The following PTPRT variants were observed in gnomAD, a reference collection of about 807,000 sequenced individuals.
PTPRT encodes receptor-type tyrosine-protein phosphatase T.
A neutral mutation model predicts 176.8 loss-of-function variants in PTPRT; 56 were observed. The observed-to-expected ratio is 0.32, with a 90% CI of 0.26 to 0.40. PTPRT has a LOEUF of 0.40. Ranked by LOEUF, PTPRT falls within the 10% of genes least tolerant of loss-of-function variation. The probability of loss-of-function intolerance (pLI) is 1.00; values close to 1 mark genes in which losing one functional copy is unlikely to be tolerated. For synonymous variants in PTPRT, 783 were observed against 739.0 expected, an observed-to-expected ratio of 1.06 and a Z score of -0.96; for missense variants, 1,540 against 1,908.2, an observed-to-expected ratio of 0.81 and a Z score of 3.60.
At chr20:42,893,242 CA>C (rs1224156588) in intron 1 of PTPRT, among the ~76,000 whole-genome samples, 2 of 152,078 alleles carry the variant, frequency 1.3e-5, no homozygotes, top group African/African-American at 2.4e-5. Context: ...TTTATGCAGC[CA>C]AAAGACACAT....
At chr20:42,697,866 A>C (rs1883065291) in intron 6 of PTPRT, among the ~76,000 whole-genome samples, 1 of 152,222 alleles carries the variant, frequency 6.6e-6, no homozygotes, top group South Asian at 2.1e-4. Flanking sequence ...TATAAGCAAT[A>C]ACAAAGTTCT....
intron 6 of PTPRT, among the ~76,000 whole-genome samples, chr20:42,728,770 C>T (rs1214308255): frequency 6.6e-6 from 1 of 152,194 alleles, no homozygotes; most frequent in Non-Finnish European, 1.5e-5. Context: ...GCTCACCCTT[C>T]ATTGCAATTC....
At chr20:42,096,015 TC>T (rs1302360807) in intron 27 of PTPRT, among the ~76,000 whole-genome samples, 2 of 152,182 alleles carry the variant, frequency 1.3e-5, no homozygotes, top group African/African-American at 4.8e-5. Flanking sequence ...AGACTCAACT[TC>T]CTGCCATTAT....
At chr20:42,553,624 C>T (rs2072807934) in intron 7 of PTPRT, among the ~76,000 whole-genome samples, 1 of 152,104 alleles carries the variant, frequency 6.6e-6, no homozygotes, top group Non-Finnish European at 1.5e-5. Context: ...TACTTGACCT[C>T]TCTCCCCCAC....
At chr20:42,273,641 T>C (rs1279172450) in intron 13 of PTPRT, among the ~76,000 whole-genome samples, 1 of 152,254 alleles carries the variant, frequency 6.6e-6, no homozygotes, top group Non-Finnish European at 1.5e-5. Flanking sequence ...CACTAGGGAA[T>C]GTGGGATTAC....
At chr20:42,675,499 T>A (rs1247875160) in intron 7 of PTPRT, among the ~76,000 whole-genome samples, 1 of 152,240 alleles carries the variant, frequency 6.6e-6, no homozygotes, top group African/African-American at 2.4e-5. Context: ...TCTTAGCCAC[T>A]TACGTGGACA....
chr20:42,275,411 G>C (rs568667510), intron 13 of PTPRT, among the ~76,000 whole-genome samples: 2 of 152,310 alleles, frequency 1.3e-5, no homozygotes, highest in East Asian at 3.9e-4. Context: ...GTCGACTCAG[G>C]TGTCTCTCAG....
At chr20:42,893,524 G>T (rs1438860728) in intron 1 of PTPRT, among the ~76,000 whole-genome samples, 2 of 151,440 alleles carry the variant, frequency 1.3e-5, no homozygotes, top group African/African-American at 4.9e-5. Flanking sequence ...TATACCCAAA[G>T]GACTATAAAT....
chr20:42,736,091 G>T (rs1397864038), intron 6 of PTPRT, among the ~76,000 whole-genome samples: 1 of 152,202 alleles, frequency 6.6e-6, no homozygotes, highest in Non-Finnish European at 1.5e-5. Context: ...TAAACAGATA[G>T]TTGGACACAG....
chr20:42,292,276 T>A (rs1012310200), intron 12 of PTPRT, among the ~76,000 whole-genome samples: 3 of 152,114 alleles, frequency 2.0e-5, no homozygotes, highest in Non-Finnish European at 4.4e-5. Flanking sequence ...TCACTTAACA[T>A]GTTTGTTACC....
At chr20:42,844,936 T>G (rs2078343046) in intron 2 of PTPRT, among the ~76,000 whole-genome samples, 6 of 152,192 alleles carry the variant, frequency 3.9e-5, no homozygotes, top group Admixed American at 3.3e-4. Context: ...CAGCACCTTC[T>G]GCCAATGTGA....
intron 1 of PTPRT, among the ~76,000 whole-genome samples, chr20:43,092,287 T>C (rs778181546): frequency 6.6e-6 from 1 of 152,198 alleles, no homozygotes; most frequent in African/African-American, 2.4e-5. Flanking sequence ...TGTGTACTCA[T>C]CGGCTTCCAT....
At chr20:42,412,852 G>A (rs931058433) in intron 9 of PTPRT, among the ~76,000 whole-genome samples, 6 of 152,036 alleles carry the variant, frequency 3.9e-5, no homozygotes, top group African/African-American at 1.2e-4. Flanking sequence ...AAAACTATAG[G>A]GACAGAAAGC....
intron 9 of PTPRT, among the ~76,000 whole-genome samples, chr20:42,420,490 G>C (rs2059108674): frequency 6.6e-6 from 1 of 152,084 alleles, no homozygotes. Context: ...AAATCATAAA[G>C]GGAAAATAAT....
intron 1 of PTPRT, among the ~76,000 whole-genome samples, chr20:43,023,227 C>A (rs1185936139): frequency 3.9e-5 from 6 of 152,196 alleles, no homozygotes; most frequent in African/African-American, 1.4e-4. Context: ...TGAGCCCACT[C>A]CCCAAACAAG....
At chr20:42,147,631 C>A (rs16986561) in intron 17 of PTPRT, among the ~76,000 whole-genome samples, 20,564 of 152,198 alleles carry the variant, frequency 0.14, 3,591 homozygotes, top group African/African-American at 0.41. Context: ...AAACACCATG[C>A]CTTCCAGGAG....
chr20:42,921,962 G>A (rs554573081), intron 1 of PTPRT, among the ~76,000 whole-genome samples: 1 of 152,138 alleles, frequency 6.6e-6, no homozygotes, highest in Non-Finnish European at 1.5e-5. Flanking sequence ...TTGAGATGGA[G>A]TCTCGCTGTG....
chr20:43,134,042 C>A (rs2013738888), intron 1 of PTPRT, among the ~76,000 whole-genome samples: 1 of 152,140 alleles, frequency 6.6e-6, no homozygotes, highest in Admixed American at 6.5e-5. Context: ...ACGGATCAGT[C>A]TGAGCTTCGA....
chr20:43,149,753 C>T (rs896916059), intron 1 of PTPRT, among the ~76,000 whole-genome samples: 1 of 152,228 alleles, frequency 6.6e-6, no homozygotes, highest in Non-Finnish European at 1.5e-5. Context: ...CAGCATAAAT[C>T]ATAACCCTCA....
Sources: gnomAD v4.1 joint callset for allele counts (sites outside exome capture counted in the v4.1 genomes callset) on GRCh38, gnomAD v4.1.1 for gene constraint, MANE v1.5 for transcripts, NCBI Gene and HGNC (gene_info 2026-07-23, HGNC 2026-07-21) for gene names.